The following TSPAN7 variants were observed in gnomAD, a reference collection of about 807,000 sequenced individuals.
TSPAN7 encodes the protein tetraspanin 7.
TSPAN7 carries 1 observed loss-of-function variant against 17.6 expected under a neutral mutation model. The observed-to-expected ratio is 0.06, with a 90% CI of 0.02 to 0.27. The LOEUF is 0.27. TSPAN7 is among the 10% of genes least tolerant of loss of function. The pLI is 1.00. For missense variants in TSPAN7, 112 were observed against 201.7 expected (o/e 0.56, Z 2.69); for synonymous variants, 78 against 79.0 (o/e 0.99, Z 0.07).
At chrX:38,662,383 T>G (rs1195938370) in intron 1 of TSPAN7, among the ~76,000 whole-genome samples, 1 of 111,823 alleles carries the variant, frequency 8.9e-6, no homozygotes. Context: ...TTCTTCTCCT[T>G]TCTTAACTCT....
intron 1 of TSPAN7, among the ~76,000 whole-genome samples, chrX:38,594,775 G>A (rs1054410017): frequency 1.8e-5 from 2 of 111,991 alleles, no homozygotes; most frequent in Non-Finnish European, 3.8e-5. Flanking sequence ...TTTCATATCT[G>A]TGTCATTGTA....
intron 1 of TSPAN7, among the ~76,000 whole-genome samples, chrX:38,586,388 C>G (rs1396224767): frequency 8.9e-6 from 1 of 111,919 alleles, no homozygotes; most frequent in Non-Finnish European, 1.9e-5. Flanking sequence ...AATATATTCC[C>G]AAATGTGGAA....
rs2069827290 is a variant in TSPAN7, at chrX:38,672,408, G to A, written c.345+958G>A. Among the ~76,000 whole-genome samples, 3 of 109,760 alleles carry A rather than the reference G, an allele frequency of 2.7e-5. No individual in the cohort carries two copies. In the South Asian group the frequency reaches 1.2e-3, roughly 44 times the overall value. On this transcript the variant is annotated intron_variant, in intron 3 of 7. Coordinates refer to ENST00000378482, the MANE Select transcript of TSPAN7 (RefSeq NM_004615.4). Reference sequence around the variant, plus strand: ...CTTGGCCAAGTTCAGTTCCCCCTGAGCTTGACTGTATGCTCTCTGCTCCCC... The same window carrying A: ...CTTGGCCAAGTTCAGTTCCCCCTGAACTTGACTGTATGCTCTCTGCTCCCC...
chrX:38,643,714 G>A (rs1448547689), intron 1 of TSPAN7, among the ~76,000 whole-genome samples: 1 of 107,979 alleles, frequency 9.3e-6, no homozygotes, highest in Non-Finnish European at 1.9e-5. Flanking sequence ...ATGTGGTGGC[G>A]GGTGCCTGTA....
chrX:38,622,354 T>G (rs1344851456), intron 1 of TSPAN7, among the ~76,000 whole-genome samples: 1 of 111,955 alleles, frequency 8.9e-6, no homozygotes, highest in Non-Finnish European at 1.9e-5. Flanking sequence ...TAAGACAGTC[T>G]GGGCAACATA....
At chrX:38,648,747 C>CAGCCAGGCATCTGCATTTTAACTTT (rs2147439615) in intron 1 of TSPAN7, among the ~76,000 whole-genome samples, 1 of 111,271 alleles carries the variant, frequency 9.0e-6, no homozygotes, top group African/African-American at 3.3e-5. Flanking sequence ...TCACCACACC[C>CAGCCAGGCATCTGCATTTTAACTTT]AGCCAGGCAT....
At chrX:38,633,208 A>G (rs752233196) in intron 1 of TSPAN7, among the ~76,000 whole-genome samples, 3 of 112,506 alleles carry the variant, frequency 2.7e-5, no homozygotes, top group Non-Finnish European at 5.6e-5. Flanking sequence ...CTCAATTTAA[A>G]CTATTTCTCA....
At chrX:38,575,378 A>G (rs1293303016) in intron 1 of TSPAN7, among the ~76,000 whole-genome samples, 1 of 112,304 alleles carries the variant, frequency 8.9e-6, no homozygotes, top group Admixed American at 9.5e-5. Context: ...GGAGCAATAC[A>G]AAATTAATAC....
At chrX:38,658,315 G>A (rs997283879) in intron 1 of TSPAN7, among the ~76,000 whole-genome samples, 2 of 109,694 alleles carry the variant, frequency 1.8e-5, no homozygotes, top group African/African-American at 6.7e-5. Flanking sequence ...CAAGTAGCTG[G>A]GACTACAGGC....
intron 1 of TSPAN7, among the ~76,000 whole-genome samples, chrX:38,648,224 A>G (rs2069655698): frequency 8.9e-6 from 1 of 112,321 alleles, no homozygotes; most frequent in Admixed American, 9.4e-5. Context: ...TGTTGCATAA[A>G]ATCCAAGAGC....
intron 1 of TSPAN7, among the ~76,000 whole-genome samples, chrX:38,629,986 C>T (rs748073229): frequency 9.0e-6 from 1 of 111,702 alleles, no homozygotes; most frequent in Admixed American, 9.5e-5. Context: ...AGTTTGGCTT[C>T]CAGTTTACAA....
intron 1 of TSPAN7, among the ~76,000 whole-genome samples, chrX:38,642,023 A>G: frequency 8.9e-6 from 1 of 111,907 alleles, no homozygotes; most frequent in Non-Finnish European, 1.9e-5. Flanking sequence ...TTTACAGTAG[A>G]TACTTGTCAT....
chrX:38,664,684 A>G (rs1202358330), intron 1 of TSPAN7, among the ~76,000 whole-genome samples: 1 of 112,388 alleles, frequency 8.9e-6, no homozygotes, highest in Non-Finnish European at 1.9e-5. Flanking sequence ...TAATAAAACT[A>G]GCACTAGTTC....
At position 38,586,594 on chromosome X, in the gene TSPAN7, G is replaced by A. The variant is rs553556604; in HGVS notation, c.81+24967G>A. On this transcript the variant is annotated intron_variant, in intron 1 of 7. Coordinates refer to ENST00000378482, the MANE Select transcript of TSPAN7 (RefSeq NM_004615.4). ...CAGGGACTTGAATTTTTAAAAAGCC[G>A]ATTTCTTGAAAAATCATTTATTGAA... 6.3e-5 allele frequency among the ~76,000 whole-genome samples: 7 copies of A among 111,769 alleles called. 1 individual carries two copies. The East Asian group carries it at 8.4e-4, about 13-fold the overall frequency.
chrX:38,612,712 A>G (rs941467407), intron 1 of TSPAN7: 2 of 111,974 alleles, frequency 1.8e-5, no homozygotes, highest in African/African-American at 3.2e-5. Context: ...CTATTCTACT[A>G]TCATACGTGG....
At chrX:38,565,323 G>C (rs1343690808) in intron 1 of TSPAN7, among the ~76,000 whole-genome samples, 1 of 111,941 alleles carries the variant, frequency 8.9e-6, no homozygotes, top group Non-Finnish European at 1.9e-5. Context: ...TCCGCCTCCT[G>C]GATTCAAGTG....
chrX:38,622,850 C>A (rs1261376613), intron 1 of TSPAN7: 1 of 328,936 alleles, frequency 3.0e-6, no homozygotes, highest in East Asian at 9.7e-5. Context: ...GTGTGATCTG[C>A]AAAATGATAT....
rs554210946 is a variant in TSPAN7, at chrX:38,663,989, C to T, written c.82-2132C>T. On this transcript the variant is annotated intron_variant, in intron 1 of 7. Transcript: ENST00000378482. Reference sequence around the variant, plus strand: ...GCAATACCATGAAGTCACAAGTTTCCGAATGAGGCATATATTCAGCCTAAA... The same window carrying T: ...GCAATACCATGAAGTCACAAGTTTCTGAATGAGGCATATATTCAGCCTAAA... 1.1e-4 allele frequency among the ~76,000 whole-genome samples: 12 copies of T among 112,504 alleles called. No homozygotes were observed. The South Asian group carries it at 1.5e-3, about 14-fold the overall frequency.
At chrX:38,642,104 T>G (rs1007916409) in intron 1 of TSPAN7, among the ~76,000 whole-genome samples, 2 of 112,074 alleles carry the variant, frequency 1.8e-5, no homozygotes, top group Admixed American at 1.9e-4. Flanking sequence ...GCGTTTGTGT[T>G]GCCAGAGTGA....
Sources: gnomAD v4.1 joint callset for allele counts (sites outside exome capture counted in the v4.1 genomes callset) on GRCh38, gnomAD v4.1.1 for gene constraint, MANE v1.5 for transcripts, NCBI Gene and HGNC (gene_info 2026-07-23, HGNC 2026-07-21) for gene names.